Variants in KDM2A observed in about 807,000 individuals in gnomAD.
KDM2A encodes the protein lysine demethylase 2A.
KDM2A carries 3 observed loss-of-function variants against 137.3 expected under a neutral mutation model. The observed-to-expected ratio is 0.02, with a 90% confidence interval of 0.01 to 0.06. KDM2A has a LOEUF of 0.06. Ranked by LOEUF, KDM2A falls within the 10% of genes least tolerant of loss-of-function variation. The pLI, the probability that KDM2A is intolerant of heterozygous loss-of-function variation, is 1.00. For missense variants in KDM2A, 738 were observed against 1,510.6 expected (o/e 0.49, Z 8.48); for synonymous variants, 512 against 541.5 (o/e 0.95, Z 0.76).
chr11:67,248,513 C>G, intron 16 of KDM2A, 143 bp downstream of exon 16: 1 of 594,908 alleles, frequency 1.7e-6, no homozygotes, highest in Non-Finnish European at 3.0e-6. Flanking sequence ...TATGTTTTTC[C>G]TTTGGTTAAT....
chr11:67,191,497 C>T (rs1205550250), intron 5 of KDM2A, among the ~76,000 whole-genome samples: 2 of 152,078 alleles, frequency 1.3e-5, no homozygotes, highest in African/African-American at 2.4e-5. Context: ...GATTATACAC[C>T]ATGACCAAGT....
chr11:67,132,163 G>A (rs990721264), intron 2 of KDM2A: 8 of 152,230 alleles, frequency 5.3e-5, no homozygotes, highest in Admixed American at 2.6e-4. Flanking sequence ...CTATTCTGTG[G>A]ATCTCTGATA....
intron 12 of KDM2A, among the ~76,000 whole-genome samples, chr11:67,234,810 A>C (rs1858818535): frequency 6.6e-6 from 1 of 152,160 alleles, no homozygotes; most frequent in African/African-American, 2.4e-5. Context: ...CTGTGATCTC[A>C]CCACTGCACT....
intron 5 of KDM2A, among the ~76,000 whole-genome samples, chr11:67,183,028 TTCTGTTCA>T: frequency 6.6e-6 from 1 of 152,344 alleles, no homozygotes; most frequent in East Asian, 1.9e-4. Context: ...CTACCGACTC[TTCTGTTCA>T]TCTAAAACGT....
intron 2 of KDM2A, among the ~76,000 whole-genome samples, chr11:67,157,036 G>A (rs1342113220): frequency 6.6e-6 from 1 of 152,026 alleles, no homozygotes; most frequent in East Asian, 1.9e-4. Context: ...CTAATTGGCT[G>A]GGCACGGTGG....
At chr11:67,180,654 G>C (rs1857070911) in intron 3 of KDM2A, among the ~76,000 whole-genome samples, 1 of 151,808 alleles carries the variant, frequency 6.6e-6, no homozygotes, top group Non-Finnish European at 1.5e-5. Flanking sequence ...TTAATGTTTT[G>C]TTTACTTTTT....
chr11:67,244,525 GAATCTTAA>G (rs145275671), intron 13 of KDM2A, among the ~76,000 whole-genome samples: 5,894 of 152,222 alleles, frequency 0.039, 450 homozygotes, highest in Admixed American at 0.18. Context: ...AGGGAGGGGT[GAATCTTAA>G]CAGCTCTGCA....
At chr11:67,126,170 C>T (rs1393711997) in intron 2 of KDM2A, among the ~76,000 whole-genome samples, 4 of 150,728 alleles carry the variant, frequency 2.7e-5, no homozygotes, top group Non-Finnish European at 5.9e-5. Flanking sequence ...CGCTTGAACC[C>T]GCGAGACAGA....
chr11:67,124,880 C>T (rs1460815090), intron 2 of KDM2A, among the ~76,000 whole-genome samples: 1 of 146,406 alleles, frequency 6.8e-6, no homozygotes, highest in African/African-American at 2.5e-5. Context: ...TTTTTTGAGA[C>T]AGAGTCTTGC....
At chr11:67,180,280 T>C in intron 3 of KDM2A, 63 bp downstream of exon 3, 1 of 1,537,900 alleles carries the variant, frequency 6.5e-7, no homozygotes, top group Non-Finnish European at 8.8e-7. Flanking sequence ...ACTCTGAGCA[T>C]TGGGGGTTTA....
intron 2 of KDM2A, among the ~76,000 whole-genome samples, chr11:67,122,312 A>C (rs1030263026): frequency 6.6e-6 from 1 of 152,156 alleles, no homozygotes; most frequent in Non-Finnish European, 1.5e-5. Flanking sequence ...CTTTTTGAGA[A>C]GAGACTTCTT....
rs766490045 is a variant in KDM2A at position 67,254,885 on chromosome 11, T to C, written c.3319T>C (p.Leu1107=). 1.2e-5 allele frequency: 20 copies of C among 1,613,796 alleles called. No individual in the cohort carries two copies. Among genetic ancestry groups the C allele is most frequent in the African/African-American group, 2.7e-5 (2 of 74,912 alleles). ...CACTTTCCCGACAGGTTGCAATAAATTGACAGACCAGACCCTGATCTACCT... is the reference window on the plus strand; with the variant it reads ...CACTTTCCCGACAGGTTGCAATAAACTGACAGACCAGACCCTGATCTACCT... The part of the protein sequence containing the change: ...TELNMAGCNK[L]TDQTLIYLRR... Residue 1107 remains leucine (L), a synonymous_variant, in exon 21 of 21, where the codon TTG becomes CTG. Transcript: ENST00000529006. The surrounding 1 kb of genome is among the most constrained non-coding windows in gnomAD (Gnocchi z 4.7).
At chr11:67,227,966 A>T in intron 10 of KDM2A, 71 bp from the exon 11 acceptor site, 1 of 1,471,952 alleles carries the variant, frequency 6.8e-7, no homozygotes, top group Non-Finnish European at 9.4e-7. Flanking sequence ...GTTAATGATT[A>T]CAGTAATTCC....
chr11:67,226,092 A>T (rs1858533929), intron 10 of KDM2A, among the ~76,000 whole-genome samples: 1 of 151,586 alleles, frequency 6.6e-6, no homozygotes, highest in Admixed American at 6.6e-5. Context: ...ATAAATAAAT[A>T]AATTTAAAAT....
In KDM2A at chr11:67,253,439, T is replaced by G. The variant is rs114402602; in HGVS notation, c.2933-14T>G. 6.9e-4 allele frequency: 1,107 copies of G among 1,611,516 alleles called. 6 individuals are homozygous for G. The African/African-American group carries it at 0.013, about 19-fold the overall frequency. On this transcript the variant is annotated splice_polypyrimidine_tract_variant and intron_variant, in intron 18 of 20. Coordinates refer to ENST00000529006, the MANE Select transcript of KDM2A (RefSeq NM_012308.3). ...AACAGTGTATTATTACATGTCTCAT[T>G]CCATCCATTGCAGGACTGAAAGACC... is the stretch of plus-strand genomic sequence containing the variant.
chr11:67,149,489 A>G (rs1366086331), intron 2 of KDM2A, among the ~76,000 whole-genome samples: 1 of 152,066 alleles, frequency 6.6e-6, no homozygotes, highest in Non-Finnish European at 1.5e-5. Flanking sequence ...TATAGATAAC[A>G]TATATCTGTA....
Position 67,207,643 on chromosome 11 carries a change from G to A in KDM2A, c.441G>A (p.Glu147=). 6.2e-7 allele frequency: 1 copy of A among 1,613,344 alleles called. No individual in the cohort carries two copies. Among genetic ancestry groups the A allele is most frequent in the Non-Finnish European group, 8.5e-7 (1 of 1,179,562 alleles). ...AACTCTATAATGTCATCAGCCTCGAGTTTAGCCACACCAGGCTGGAGAATA... is the reference window on the plus strand; with the variant it reads ...AACTCTATAATGTCATCAGCCTCGAATTTAGCCACACCAGGCTGGAGAATA... ...REKLYNVISL[E]FSHTRLENMV... is the part of the protein sequence containing the mutation. Residue 147 remains glutamate (E), a synonymous_variant, in exon 6 of 21, where the codon GAG becomes GAA. Transcript: ENST00000529006.
intron 2 of KDM2A, among the ~76,000 whole-genome samples, chr11:67,162,978 G>A (rs1465450220): frequency 6.6e-6 from 1 of 152,140 alleles, no homozygotes. Flanking sequence ...CCAAAGCGTT[G>A]GGATTATAGG....
Position 67,250,832 on chromosome 11 carries a change from G to A in KDM2A, c.2768+34G>A. The stretch of plus-strand genomic sequence containing the variant: ...GGATTCAGGGGGTCAGGAATTAGGG[G>A]TATGGGAGTAGGTGGCAGGTTTTCC... On this transcript the variant is annotated intron_variant, in intron 17 of 20. Coordinates refer to ENST00000529006, the MANE Select transcript of KDM2A (RefSeq NM_012308.3). The surrounding 1 kb of genome is among the most constrained non-coding windows in gnomAD (Gnocchi z 7.1). 1 of 1,471,234 alleles carries A rather than the reference G, an allele frequency of 6.8e-7. No individual in the cohort carries two copies. Among genetic ancestry groups the A allele is most frequent in the South Asian group, 1.4e-5 (1 of 73,942 alleles). The allele number at this position is 1,471,234 out of a possible 1,614,324, so 91.1% of individuals were successfully genotyped here.
Sources: allele counts gnomAD v4.1 joint callset (sites outside exome capture counted in the v4.1 genomes callset), GRCh38; gene constraint gnomAD v4.1.1; non-coding constraint Gnocchi (gnomAD v3.1); transcripts MANE v1.5; gene names NCBI Gene and HGNC (gene_info 2026-07-23, HGNC 2026-07-21).